TULP3: variants seen among roughly 807,000 people sequenced by gnomAD.
The protein encoded by TULP3 is TUB like protein 3, also known as tubby-related protein 3.
A neutral mutation model predicts 50.7 loss-of-function variants in TULP3; 38 were observed. The ratio of observed to expected loss-of-function variants is 0.75; its 90% CI spans 0.58 to 0.98. TULP3 has a LOEUF of 0.98. TULP3 is among the 50% of genes least tolerant of loss of function. The pLI is 0.00. For synonymous variants in TULP3, 183 were observed against 196.6 expected, an observed-to-expected ratio of 0.93 and a Z score of 0.58; for missense variants, 550 against 568.0, an observed-to-expected ratio of 0.97 and a Z score of 0.32.
chr12:2,906,697 C>T (rs1411147553), intron 1 of TULP3, among the ~76,000 whole-genome samples: 1 of 151,264 alleles, frequency 6.6e-6, no homozygotes, highest in Non-Finnish European at 1.5e-5. Flanking sequence ...GGGTGGATCA[C>T]CTGAGGTCAG....
chr12:2,918,507 A>G (rs2098189957), intron 2 of TULP3, among the ~76,000 whole-genome samples: 1 of 152,060 alleles, frequency 6.6e-6, no homozygotes, highest in Non-Finnish European at 1.5e-5. Context: ...GTTTCTTATG[A>G]TTTCAGTACT....
chr12:2,925,915 G>T (rs1410358213), intron 4 of TULP3, among the ~76,000 whole-genome samples: 1 of 152,180 alleles, frequency 6.6e-6, no homozygotes, highest in East Asian at 1.9e-4. Context: ...TGGCCTTCCA[G>T]TGCCAGGTGA....
At chr12:2,902,372 TG>T (rs1332655435) in intron 1 of TULP3, among the ~76,000 whole-genome samples, 4 of 152,240 alleles carry the variant, frequency 2.6e-5, no homozygotes, top group Admixed American at 2.6e-4. Context: ...GCTTTATTTT[TG>T]CAAGTCTTAT....
intron 1 of TULP3, among the ~76,000 whole-genome samples, chr12:2,906,994 G>A (rs1405922366): frequency 1.3e-5 from 2 of 151,896 alleles, no homozygotes; most frequent in Non-Finnish European, 2.9e-5. Context: ...TTTTCTCCAA[G>A]TTTTCCTTTT....
intron 1 of TULP3, among the ~76,000 whole-genome samples, chr12:2,893,114 C>T (rs979702385): frequency 9.9e-5 from 15 of 152,036 alleles, no homozygotes; most frequent in African/African-American, 2.7e-4. Flanking sequence ...CTGCCTGCCT[C>T]AGCCTCCAAA....
At chr12:2,914,335 G>A (rs545684484) in intron 2 of TULP3, among the ~76,000 whole-genome samples, 1 of 151,784 alleles carries the variant, frequency 6.6e-6, no homozygotes, top group Non-Finnish European at 1.5e-5. Flanking sequence ...TGTTGGTTAG[G>A]CTGGTCTCGA....
chr12:2,910,564 C>T (rs1230888295), intron 2 of TULP3, among the ~76,000 whole-genome samples: 1 of 152,130 alleles, frequency 6.6e-6, no homozygotes, highest in Non-Finnish European at 1.5e-5. Flanking sequence ...CATTTATATT[C>T]GCTTTTTTCT....
In TULP3 at chr12:2,940,327, A is replaced by C; in HGVS notation, c.*883A>C. 2 of 1,437,716 alleles carry C rather than the reference A, an allele frequency of 1.4e-6. No homozygotes were observed. Among genetic ancestry groups the C allele is most frequent in the Non-Finnish European group, 1.8e-6 (2 of 1,093,178 alleles). The allele number at this position is 1,437,716 out of a possible 1,614,324, so 89.1% of individuals were successfully genotyped here. A position where few individuals can be genotyped will look rare whatever the true frequency, so the allele number is the denominator to read the frequency against. On this transcript the variant is annotated 3_prime_UTR_variant, in exon 11 of 11. Transcript: ENST00000448120. ...ATTGACCATTTAGTTTAGTTAAAAA[A>C]AAAAAAAAAAAGGTGGCAGGAGAGG...
At chr12:2,911,731 A>G (rs1267790682) in intron 2 of TULP3, among the ~76,000 whole-genome samples, 16 of 106,828 alleles carry the variant, frequency 1.5e-4, no homozygotes, top group African/African-American at 1.9e-4. Context: ...TAGAGACATA[A>G]AATTTTATAG....
intron 2 of TULP3, among the ~76,000 whole-genome samples, chr12:2,910,172 A>G (rs1278060253): frequency 6.6e-6 from 1 of 152,146 alleles, no homozygotes; most frequent in Non-Finnish European, 1.5e-5. Flanking sequence ...GGGCACCTCT[A>G]GTCCCAGCTA....
At chr12:2,892,575 G>A (rs868868477) in intron 1 of TULP3, among the ~76,000 whole-genome samples, 3 of 151,996 alleles carry the variant, frequency 2.0e-5, no homozygotes, top group Middle Eastern at 3.4e-3. Context: ...GCAGTGGTGC[G>A]ATCTCGGCTA....
chr12:2,900,876 CTTT>C (rs57315328), intron 1 of TULP3, among the ~76,000 whole-genome samples: 54,957 of 126,730 alleles, frequency 0.43, 10,442 homozygotes, highest in African/African-American at 0.54. Flanking sequence ...AGCCGAAATA[CTTT>C]TTTTTTTTTT....
chr12:2,914,432 ATTC>A lies in TULP3; in HGVS notation c.93+4855_93+4857del, dbSNP rs1328612847. 3.9e-5 allele frequency among the ~76,000 whole-genome samples: 6 copies of A among 152,244 alleles called. No homozygotes were observed. The East Asian group carries it at 1.2e-3, about 29-fold the overall frequency. ...AGCTACCACTCCCAGCCAATAAATT[ATTC>A]TTAACTATAGTCACCCTCTTGTGCT... On this transcript the variant is annotated intron_variant, in intron 2 of 10. Coordinates refer to ENST00000448120, the MANE Select transcript of TULP3 (RefSeq NM_003324.5).
chr12:2,906,873 G>A (rs965518748), intron 1 of TULP3, among the ~76,000 whole-genome samples: 17 of 151,704 alleles, frequency 1.1e-4, no homozygotes, highest in African/African-American at 3.9e-4. Context: ...CCAAGATCAC[G>A]TCATTGTACT....
At chr12:2,913,276 C>G (rs1258047073) in intron 2 of TULP3, among the ~76,000 whole-genome samples, 2 of 148,184 alleles carry the variant, frequency 1.3e-5, no homozygotes, top group Non-Finnish European at 3.0e-5. Context: ...GAGATAGGTT[C>G]TCACTCTGTC....
intron 4 of TULP3, among the ~76,000 whole-genome samples, chr12:2,923,308 G>A (rs939380805): frequency 6.6e-5 from 10 of 152,088 alleles, no homozygotes; most frequent in African/African-American, 2.4e-4. Context: ...ATTCTACCAC[G>A]GAATGGCATA....
Position 2,939,182 on chromosome 12 carries a change from G to T in TULP3, c.1196-129G>T. 1 of 1,015,138 alleles carries T rather than the reference G, an allele frequency of 9.9e-7. No individual in the cohort carries two copies. 62.9% of individuals were successfully genotyped at this position (1,015,138 alleles called of 1,614,324 possible). On this transcript the variant is annotated intron_variant, in intron 10 of 10. Transcript: ENST00000448120. The surrounding 1 kb of genome is among the most constrained non-coding windows in gnomAD (Gnocchi z 4.0). Reference sequence around the variant, plus strand: ...GGAGGTCAAGGCTGCAGTGAGCTGTGGTCATTCCACTAGGCTCCAGCCAGG... The same window carrying T: ...GGAGGTCAAGGCTGCAGTGAGCTGTTGTCATTCCACTAGGCTCCAGCCAGG...
At chr12:2,899,972 T>G (rs1386966757) in intron 1 of TULP3, among the ~76,000 whole-genome samples, 1 of 151,198 alleles carries the variant, frequency 6.6e-6, no homozygotes, top group Non-Finnish European at 1.5e-5. Context: ...CCCAGCACTT[T>G]GGGAGGTTGA....
chr12:2,899,694 C>T (rs1014759027), intron 1 of TULP3, among the ~76,000 whole-genome samples: 4 of 151,602 alleles, frequency 2.6e-5, no homozygotes, highest in East Asian at 2.0e-4. Flanking sequence ...AAGTTCGAGA[C>T]CATCCTGGCT....
Sources: gnomAD v4.1 joint callset for allele counts (sites outside exome capture counted in the v4.1 genomes callset) on GRCh38, gnomAD v4.1.1 for gene constraint, Gnocchi (gnomAD v3.1) non-coding constraint, MANE v1.5 for transcripts, NCBI Gene and HGNC (gene_info 2026-07-23, HGNC 2026-07-21) for gene names.